FAM117B: variants seen among roughly 807,000 people sequenced by gnomAD.
FAM117B encodes the protein protein FAM117B.
A neutral mutation model predicts 52.8 loss-of-function variants in FAM117B; 22 were observed. The ratio of observed to expected loss-of-function variants is 0.42; its 90% confidence interval spans 0.30 to 0.59. The LOEUF (loss-of-function observed/expected upper bound fraction) is 0.59, where lower values mean the gene tolerates loss of function less well. Among genes scored for constraint, FAM117B ranks in the 20% least tolerant of loss-of-function variants. The pLI is 0.22. For missense variants in FAM117B, 678 were observed against 802.6 expected (o/e 0.84, Z 1.88); for synonymous variants, 309 against 324.1 (o/e 0.95, Z 0.50).
chr2:202,733,672 C>A (rs374630898), intron 4 of FAM117B, among the ~76,000 whole-genome samples: 14 of 152,278 alleles, frequency 9.2e-5, no homozygotes, highest in African/African-American at 3.1e-4. Flanking sequence ...GCAGTCAGAA[C>A]TTTGGTTGTC....
At chr2:202,676,768 G>T (rs1303817737) in intron 1 of FAM117B, among the ~76,000 whole-genome samples, 1 of 152,160 alleles carries the variant, frequency 6.6e-6, no homozygotes, top group African/African-American at 2.4e-5. Context: ...TGCAAGAGGG[G>T]TGCTGCCACA....
Position 202,765,875 on chromosome 2 carries a change from G to A in FAM117B, c.*111G>A, listed in dbSNP as rs906718793. On this transcript the variant is annotated 3_prime_UTR_variant, in exon 8 of 8. Transcript: ENST00000392238. ...GGCTGTGATGTGCTCCAGCTTTCCA[G>A]TGACATGTGACGGCGAGGCTTCTGG... The A allele has an allele frequency of 8.8e-7, 1 of 1,136,614 alleles. No homozygotes were observed. The highest frequency in any genetic ancestry group is 1.2e-6 in the Non-Finnish European group (1 of 810,334). 70.4% of individuals were successfully genotyped at this position (1,136,614 alleles called of 1,614,324 possible).
At chr2:202,653,162 G>A (rs957208359) in intron 1 of FAM117B, among the ~76,000 whole-genome samples, 1 of 152,116 alleles carries the variant, frequency 6.6e-6, no homozygotes, top group African/African-American at 2.4e-5. Context: ...CAGCTGCTTA[G>A]GGGGCTGCGG....
intron 4 of FAM117B, among the ~76,000 whole-genome samples, chr2:202,731,367 A>ATATATATG (rs1167685449): frequency 7.3e-6 from 1 of 136,920 alleles, no homozygotes; most frequent in East Asian, 2.2e-4. Context: ...ATATATATAT[A>ATATATATG]TGGAGAGAGA....
At chr2:202,731,777 C>A (rs1238986097) in intron 4 of FAM117B, among the ~76,000 whole-genome samples, 1 of 149,930 alleles carries the variant, frequency 6.7e-6, no homozygotes, top group African/African-American at 2.5e-5. Context: ...CTCTTTATGC[C>A]CAGGCTAGAG....
chr2:202,694,315 T>G (rs1690677046), intron 1 of FAM117B, among the ~76,000 whole-genome samples: 1 of 150,064 alleles, frequency 6.7e-6, no homozygotes, highest in African/African-American at 2.5e-5. Flanking sequence ...CTCAGCCTCC[T>G]CGGTAGCTGG....
intron 1 of FAM117B, among the ~76,000 whole-genome samples, chr2:202,653,200 G>A (rs973577419): frequency 3.3e-5 from 5 of 152,172 alleles, no homozygotes; most frequent in South Asian, 2.1e-4. Context: ...CCCAGAAGGT[G>A]GAGGATGCAG....
At chr2:202,644,064 GT>G (rs1161026426) in intron 1 of FAM117B, among the ~76,000 whole-genome samples, 1,666 of 95,112 alleles carry the variant, frequency 0.018, 12 homozygotes, top group African/African-American at 0.03. Context: ...TTTTTTTTTT[GT>G]TTTTTTTTTT....
chr2:202,754,660 G>A (rs1200521766), intron 4 of FAM117B, among the ~76,000 whole-genome samples: 1 of 151,888 alleles, frequency 6.6e-6, no homozygotes, highest in African/African-American at 2.4e-5. Flanking sequence ...AGGCTGACAT[G>A]GGCGGATCAC....
intron 1 of FAM117B, among the ~76,000 whole-genome samples, chr2:202,685,959 C>T (rs573041751): frequency 1.2e-4 from 18 of 152,202 alleles, no homozygotes; most frequent in Non-Finnish European, 2.2e-4. Context: ...AAATGCTATT[C>T]GAAAGGCACC....
At chr2:202,764,411 C>T (rs2105802381) in intron 7 of FAM117B, among the ~76,000 whole-genome samples, 1 of 151,994 alleles carries the variant, frequency 6.6e-6, no homozygotes, top group South Asian at 2.1e-4. Flanking sequence ...ACTACAGGTG[C>T]ATGCCGTCAG....
At chr2:202,652,557 C>T (rs192943231) in intron 1 of FAM117B, among the ~76,000 whole-genome samples, 144 of 152,152 alleles carry the variant, frequency 9.5e-4, no homozygotes, top group Middle Eastern at 3.4e-3. Flanking sequence ...GTAGTATTAC[C>T]GAAAAGAGTA....
At chr2:202,738,943 C>T (rs1015025914) in intron 4 of FAM117B, among the ~76,000 whole-genome samples, 4 of 152,282 alleles carry the variant, frequency 2.6e-5, no homozygotes, top group Admixed American at 1.3e-4. Context: ...AATCCCAGCA[C>T]TTCGGTAGGC....
chr2:202,655,707 T>TGAGAGACAGAGAGA lies in FAM117B; in HGVS notation c.601+19925_601+19926insCAGAGAGAGAGAGA, dbSNP rs1398513491. On this transcript the variant is annotated intron_variant, in intron 1 of 7. Transcript: ENST00000392238. The stretch of plus-strand genomic sequence containing the variant: ...GCCTGGAGTGGGTGCGGGAAGAGAG[T>TGAGAGACAGAGAGA]GAGAGAGAGAGAGAGAGAGAGAGAG... Among the ~76,000 whole-genome samples, 182 of 98,872 alleles carry TGAGAGACAGAGAGA rather than the reference T, an allele frequency of 1.8e-3. 17 individuals carry two copies. The highest frequency in any genetic ancestry group is 6.6e-3 in the Middle Eastern group (1 of 152). The allele number at this position is 98,872 out of a possible 152,430, so 64.9% of individuals were successfully genotyped here.
intron 6 of FAM117B, among the ~76,000 whole-genome samples, chr2:202,757,786 A>T (rs1035978819): frequency 6.6e-6 from 1 of 152,218 alleles, no homozygotes. Context: ...TATTACCTTA[A>T]TGCTTTTTAA....
At chr2:202,640,292 CAAAATATATA>C (rs1393417458) in intron 1 of FAM117B, among the ~76,000 whole-genome samples, 7 of 50,706 alleles carry the variant, frequency 1.4e-4, no homozygotes, top group Non-Finnish European at 2.8e-4. Flanking sequence ...ACCACCACCA[CAAAATATATA>C]TATATATATA....
At chr2:202,706,441 A>G (rs2105780545) in intron 2 of FAM117B, among the ~76,000 whole-genome samples, 1 of 152,334 alleles carries the variant, frequency 6.6e-6, no homozygotes, top group Admixed American at 6.5e-5. Flanking sequence ...TTTATGGAAA[A>G]GTTCTGAGTT....
chr2:202,729,066 G>A (rs1003510869), intron 4 of FAM117B, among the ~76,000 whole-genome samples: 1 of 152,176 alleles, frequency 6.6e-6, no homozygotes, highest in Non-Finnish European at 1.5e-5. Context: ...GGCCGGGCAC[G>A]GTGGCTCACG....
chr2:202,710,575 T>TA (rs1172792504), intron 2 of FAM117B, among the ~76,000 whole-genome samples: 8 of 152,206 alleles, frequency 5.3e-5, no homozygotes, highest in African/African-American at 9.6e-5. Context: ...ATTCCAGTGA[T>TA]ATTATTTTAC....
Sources: allele counts gnomAD v4.1 joint callset (sites outside exome capture counted in the v4.1 genomes callset), GRCh38; gene constraint gnomAD v4.1.1; transcripts MANE v1.5; gene names NCBI Gene and HGNC (gene_info 2026-07-23, HGNC 2026-07-21).